SLC25A21: variants seen among roughly 807,000 people sequenced by gnomAD.
The protein encoded by SLC25A21 is solute carrier family 25 member 21.
A neutral mutation model predicts 43.8 loss-of-function variants in SLC25A21; 47 were observed. The ratio of observed to expected loss-of-function variants is 1.07; its 90% CI spans 0.85 to 1.37. SLC25A21 has a LOEUF of 1.37. Ranked by LOEUF, SLC25A21 falls within the 40% of genes most tolerant of loss-of-function variation. The pLI is 0.00. For missense variants in SLC25A21, 352 were observed against 350.2 expected, an observed-to-expected ratio of 1.00 and a Z score of -0.04; for synonymous variants, 131 against 121.3, an observed-to-expected ratio of 1.08 and a Z score of -0.52.
chr14:36,973,117 G>A (rs1158070011), intron 1 of SLC25A21, among the ~76,000 whole-genome samples: 3 of 151,848 alleles, frequency 2.0e-5, no homozygotes, highest in Non-Finnish European at 4.4e-5. Flanking sequence ...ATGAAGGAAA[G>A]AGTCAAATTT....
At chr14:36,952,609 A>G (rs924212096) in intron 1 of SLC25A21, among the ~76,000 whole-genome samples, 1 of 152,188 alleles carries the variant, frequency 6.6e-6, no homozygotes, top group Non-Finnish European at 1.5e-5. Flanking sequence ...TGTAGACCGA[A>G]TAAGTCTAGA....
chr14:37,058,517 T>C (rs1674380882), intron 1 of SLC25A21, among the ~76,000 whole-genome samples: 1 of 152,346 alleles, frequency 6.6e-6, no homozygotes, highest in African/African-American at 2.4e-5. Context: ...TTTTCCTCCA[T>C]GAGTTTTCAT....
intron 6 of SLC25A21, 85 bp downstream of exon 6, chr14:36,725,485 A>AAATG: frequency 4.0e-6 from 1 of 248,542 alleles, no homozygotes; most frequent in Non-Finnish European, 6.3e-6. Context: ...CAAAATAAAT[A>AAATG]AATAAATAAA....
chr14:36,823,473 A>G (rs1192069349), intron 2 of SLC25A21, among the ~76,000 whole-genome samples: 1 of 152,186 alleles, frequency 6.6e-6, no homozygotes, highest in African/African-American at 2.4e-5. Context: ...TTTAATGCTA[A>G]CAAATGACTT....
intron 1 of SLC25A21, among the ~76,000 whole-genome samples, chr14:37,150,199 A>G (rs1963735308): frequency 6.6e-6 from 1 of 152,178 alleles, no homozygotes; most frequent in South Asian, 2.1e-4. Context: ...ATAATTTATT[A>G]TGACTATAAT....
At chr14:36,982,865 A>G (rs1960061728) in intron 1 of SLC25A21, among the ~76,000 whole-genome samples, 1 of 140,700 alleles carries the variant, frequency 7.1e-6, no homozygotes, top group South Asian at 2.2e-4. Context: ...TAATGCAGAT[A>G]TATCTTACTA....
chr14:37,067,031 G>A (rs1286273261), intron 1 of SLC25A21, among the ~76,000 whole-genome samples: 1 of 151,916 alleles, frequency 6.6e-6, no homozygotes, highest in African/African-American at 2.4e-5. Flanking sequence ...AGTACAGTGG[G>A]GAAAAAAATG....
At chr14:36,709,531 G>C (rs1883737924) in intron 7 of SLC25A21, among the ~76,000 whole-genome samples, 1 of 152,130 alleles carries the variant, frequency 6.6e-6, no homozygotes, top group Non-Finnish European at 1.5e-5. Flanking sequence ...AGTCACTAGG[G>C]GGGTCTATAT....
chr14:37,084,838 C>G (rs1594785303), intron 1 of SLC25A21, among the ~76,000 whole-genome samples: 2 of 152,304 alleles, frequency 1.3e-5, no homozygotes, highest in South Asian at 4.1e-4. Flanking sequence ...GGCATAAGGA[C>G]AGTCATATAG....
intron 3 of SLC25A21, among the ~76,000 whole-genome samples, chr14:36,799,203 G>A (rs553914094): frequency 1.2e-3 from 182 of 152,302 alleles, no homozygotes; most frequent in African/African-American, 4.2e-3. Context: ...GTAGCAAAAA[G>A]ATTAAACATT....
chr14:37,137,087 G>A (rs1295291810), intron 1 of SLC25A21, among the ~76,000 whole-genome samples: 1 of 152,140 alleles, frequency 6.6e-6, no homozygotes, highest in Non-Finnish European at 1.5e-5. Flanking sequence ...TGCAAGCTCC[G>A]CCTTCCGGGT....
intron 1 of SLC25A21, among the ~76,000 whole-genome samples, chr14:37,091,688 G>A (rs1186112116): frequency 2.0e-5 from 3 of 152,124 alleles, no homozygotes; most frequent in Non-Finnish European, 2.9e-5. Flanking sequence ...CATAAGTATT[G>A]ACTTGGGGGT....
rs57847198 is a variant in SLC25A21 at position 36,779,457 on chromosome 14, T to TTATA, written c.203+34457_203+34460dup. ...TCCAGGCTTTAAAAAAAAGAAGGAA[T>TTATA]TATATATATATATATACACATATAT... is the stretch of plus-strand genomic sequence containing the variant. On this transcript the variant is annotated intron_variant, in intron 3 of 9. Transcript: ENST00000331299. Among the ~76,000 whole-genome samples, 351 of 139,346 alleles carry TTATA rather than the reference T, an allele frequency of 2.5e-3. 1 individual carries two copies. Among genetic ancestry groups the TTATA allele is most frequent in the Admixed American group, 5.7e-3 (77 of 13,550 alleles). The allele number at this position is 139,346 out of a possible 152,430, so 91.4% of individuals were successfully genotyped here.
chr14:36,905,876 G>A (rs985876728), intron 1 of SLC25A21, among the ~76,000 whole-genome samples: 7 of 152,132 alleles, frequency 4.6e-5, no homozygotes, highest in African/African-American at 1.7e-4. Context: ...TATGGCTCAA[G>A]TTATATACAA....
At chr14:36,823,788 T>A (rs1472387373) in intron 2 of SLC25A21, among the ~76,000 whole-genome samples, 1 of 152,188 alleles carries the variant, frequency 6.6e-6, no homozygotes, top group Non-Finnish European at 1.5e-5. Context: ...CTCTCTCCGA[T>A]CCTCCCAAGC....
chr14:36,921,302 AC>A (rs1328728586), intron 1 of SLC25A21, among the ~76,000 whole-genome samples: 3 of 152,170 alleles, frequency 2.0e-5, no homozygotes, highest in African/African-American at 7.2e-5. Context: ...GAAGAGTAGT[AC>A]CATAGTTCAT....
chr14:36,995,057 T>C (rs899194378), intron 1 of SLC25A21, among the ~76,000 whole-genome samples: 2 of 152,178 alleles, frequency 1.3e-5, no homozygotes, highest in African/African-American at 2.4e-5. Flanking sequence ...TTTGTCTGAA[T>C]TGATCCCCTT....
At chr14:37,142,592 G>A (rs1377847275) in intron 1 of SLC25A21, among the ~76,000 whole-genome samples, 2 of 152,118 alleles carry the variant, frequency 1.3e-5, no homozygotes, top group Non-Finnish European at 2.9e-5. Flanking sequence ...GAACTCCTGG[G>A]CTCAAGCAAT....
At chr14:36,931,066 T>C (rs1444489703) in intron 1 of SLC25A21, among the ~76,000 whole-genome samples, 3 of 152,110 alleles carry the variant, frequency 2.0e-5, no homozygotes, top group Non-Finnish European at 4.4e-5. Flanking sequence ...GGGTTCTTTT[T>C]CACTCGTGAG....
Sources: gnomAD v4.1 joint callset for allele counts (sites outside exome capture counted in the v4.1 genomes callset) on GRCh38, gnomAD v4.1.1 for gene constraint, MANE v1.5 for transcripts, NCBI Gene and HGNC (gene_info 2026-07-23, HGNC 2026-07-21) for gene names.